The following NALF1 variants were observed in gnomAD, a reference collection of about 807,000 sequenced individuals.
NALF1 encodes the protein NALCN channel auxiliary factor 1, also known as family with sequence similarity 155 member A.
Under a neutral mutation model 48.4 loss-of-function variants are expected in NALF1, and 3 were observed. The observed-to-expected ratio is 0.06, with a 90% CI of 0.03 to 0.16. The LOEUF (loss-of-function observed/expected upper bound fraction) is 0.16, where lower values mean the gene tolerates loss of function less well. NALF1 is among the 10% of genes least tolerant of loss of function. The pLI is 1.00. For synonymous variants in NALF1, 262 were observed against 245.7 expected (o/e 1.07, Z -0.62); for missense variants, 526 against 571.5 (o/e 0.92, Z 0.81).
chr13:107,742,537 T>C (rs942927060), intron 1 of NALF1, among the ~76,000 whole-genome samples: 4 of 152,196 alleles, frequency 2.6e-5, no homozygotes, highest in African/African-American at 7.2e-5. Flanking sequence ...CCTGCCGCCA[T>C]GAGAAGCATG....
rs563212084 is a variant in NALF1, at chr13:107,587,342, G to C, written c.915+278340C>G. 8.0e-4 allele frequency among the ~76,000 whole-genome samples: 122 copies of C among 152,228 alleles called. 2 individuals are homozygous for C. Among genetic ancestry groups the C allele is most frequent in the African/African-American group, 2.7e-3 (112 of 41,554 alleles). On this transcript the variant is annotated intron_variant, in intron 1 of 2. Transcript: ENST00000375915. ...GCCAAAATCATAAACAGTCTCTTCG[G>C]AAGATCAGTTTATCAGTGTACAAAT...
intron 1 of NALF1, among the ~76,000 whole-genome samples, chr13:107,727,766 T>C (rs1363749794): frequency 6.6e-6 from 1 of 152,180 alleles, no homozygotes; most frequent in Non-Finnish European, 1.5e-5. Flanking sequence ...GAGAAAATTT[T>C]TGCAATCTAC....
At chr13:107,489,127 A>G (rs577394709) in intron 1 of NALF1, among the ~76,000 whole-genome samples, 3 of 152,238 alleles carry the variant, frequency 2.0e-5, no homozygotes, top group Admixed American at 1.3e-4. Context: ...CTGAGATGAG[A>G]TGACACAATC....
chr13:107,362,097 C>T lies in NALF1; in HGVS notation c.916-151342G>A, dbSNP rs906642445. ...GTGCATAGGTAGAGATGGGGGAATT[C>T]AACTCTTATTTTCTTAAGCTACTGA... On this transcript the variant is annotated intron_variant, in intron 1 of 2. Transcript: ENST00000375915. The surrounding 1 kb of genome is among the most constrained non-coding windows in gnomAD (Gnocchi z 4.6). Among the ~76,000 whole-genome samples the T allele has an allele frequency of 1.4e-4, 21 of 152,128 alleles. No homozygotes were observed. The highest frequency in any genetic ancestry group is 6.6e-5 in the Admixed American group (1 of 15,258).
intron 1 of NALF1, among the ~76,000 whole-genome samples, chr13:107,323,836 A>C (rs1205474986): frequency 3.3e-5 from 5 of 152,306 alleles, no homozygotes; most frequent in East Asian, 1.9e-4. Context: ...GTTTGAATAC[A>C]CCTGCCTTTA....
intron 1 of NALF1, among the ~76,000 whole-genome samples, chr13:107,419,275 C>T (rs935421731): frequency 2.2e-4 from 33 of 152,202 alleles, no homozygotes; most frequent in Middle Eastern, 3.4e-3. Flanking sequence ...AAATTATATA[C>T]GTTTAAAGAT....
At chr13:107,335,080 C>T (rs1274027655) in intron 1 of NALF1, among the ~76,000 whole-genome samples, 6 of 152,064 alleles carry the variant, frequency 3.9e-5, no homozygotes, top group Non-Finnish European at 7.4e-5. Flanking sequence ...GGATGAAGTG[C>T]GGAGGATGGA....
At chr13:107,587,501 C>T (rs1359057885) in intron 1 of NALF1, among the ~76,000 whole-genome samples, 4 of 151,904 alleles carry the variant, frequency 2.6e-5, no homozygotes, top group Non-Finnish European at 5.9e-5. Context: ...TAATTGTGGA[C>T]AAAATCACAA....
intron 1 of NALF1, among the ~76,000 whole-genome samples, chr13:107,667,593 G>A (rs1031170956): frequency 6.6e-6 from 1 of 152,084 alleles, no homozygotes; most frequent in Non-Finnish European, 1.5e-5. Flanking sequence ...AGGTAGAGAA[G>A]TAGTATGAAG....
intron 1 of NALF1, among the ~76,000 whole-genome samples, chr13:107,550,293 T>C (rs939212933): frequency 5.3e-5 from 8 of 152,144 alleles, no homozygotes; most frequent in Non-Finnish European, 8.8e-5. Context: ...TCTGAATCTA[T>C]ACCTTGGGCT....
intron 1 of NALF1, among the ~76,000 whole-genome samples, chr13:107,832,117 T>A (rs1215500315): frequency 6.6e-6 from 1 of 152,142 alleles, no homozygotes; most frequent in Non-Finnish European, 1.5e-5. Context: ...TGACATGAAC[T>A]GAACCTACAA....
At chr13:107,327,278 C>T (rs1361755550) in intron 1 of NALF1, among the ~76,000 whole-genome samples, 6 of 152,136 alleles carry the variant, frequency 3.9e-5, no homozygotes, top group Admixed American at 1.3e-4. Flanking sequence ...CTATAGCTAG[C>T]CTGGCCTCTT....
rs543301594 is a variant in NALF1 at position 107,766,633 on chromosome 13, A to C, written c.915+99049T>G. ...ATTTTAGAATGGGTTTCAACCTATG[A>C]GAGAATTTATATCTGTGTATGTAAA... On this transcript the variant is annotated intron_variant, in intron 1 of 2. Coordinates refer to ENST00000375915, the MANE Select transcript of NALF1 (RefSeq NM_001080396.3). Among the ~76,000 whole-genome samples, 7 of 152,356 alleles carry C rather than the reference A, an allele frequency of 4.6e-5. No individual in the cohort carries two copies. The South Asian group carries it at 1.4e-3, about 32-fold the overall frequency.
chr13:107,555,975 A>G lies in NALF1; in HGVS notation c.915+309707T>C, dbSNP rs989451819. The stretch of plus-strand genomic sequence containing the variant: ...ATAACTTCCTTGAGAAATAGTTTAA[A>G]TTTTACTATAAAATTATTATTGAAT... On this transcript the variant is annotated intron_variant, in intron 1 of 2. Transcript: ENST00000375915. 6.6e-5 allele frequency among the ~76,000 whole-genome samples: 10 copies of G among 152,098 alleles called. 1 individual carries two copies. The highest frequency in any genetic ancestry group is 1.2e-4 in the Non-Finnish European group (8 of 68,014).
chr13:107,590,468 A>G (rs1878574654), intron 1 of NALF1, among the ~76,000 whole-genome samples: 1 of 152,070 alleles, frequency 6.6e-6, no homozygotes, highest in Non-Finnish European at 1.5e-5. Flanking sequence ...TGTTAAATAT[A>G]TAATAAACCA....
intron 1 of NALF1, among the ~76,000 whole-genome samples, chr13:107,639,613 AGGAATGTATGCTCTCCTTCTC>A (rs765683017): frequency 0.24 from 37,102 of 151,930 alleles, 5,122 homozygotes; most frequent in East Asian, 0.48. Flanking sequence ...CTGTGTGTTT[AGGAATGTATGCTCTCCTTCTC>A]AGACCCCAGG....
chr13:107,564,400 C>T (rs78667952), intron 1 of NALF1, among the ~76,000 whole-genome samples: 2,680 of 152,294 alleles, frequency 0.018, 87 homozygotes, highest in African/African-American at 0.06. Context: ...GTCTCCCTGT[C>T]TTCCCACCTG....
At chr13:107,742,183 T>A (rs567904797) in intron 1 of NALF1, among the ~76,000 whole-genome samples, 1 of 152,278 alleles carries the variant, frequency 6.6e-6, no homozygotes, top group African/African-American at 2.4e-5. Flanking sequence ...GCTCCTGCAA[T>A]CGCCTTGTCC....
chr13:107,616,955 C>T (rs1289540058), intron 1 of NALF1, among the ~76,000 whole-genome samples: 2 of 151,980 alleles, frequency 1.3e-5, no homozygotes, highest in Non-Finnish European at 2.9e-5. Context: ...CAAATTTTTC[C>T]ATATATAATA....
Sources: allele counts gnomAD v4.1 joint callset (sites outside exome capture counted in the v4.1 genomes callset), GRCh38; gene constraint gnomAD v4.1.1; non-coding constraint Gnocchi (gnomAD v3.1); transcripts MANE v1.5; gene names NCBI Gene and HGNC (gene_info 2026-07-23, HGNC 2026-07-21).